The following RAB38 variants were observed in gnomAD, a reference collection of about 807,000 sequenced individuals.
The protein encoded by RAB38 is RAB38, member RAS oncogene family, also known as ras-related protein Rab-38.
RAB38 carries 15 observed loss-of-function variants against 18.4 expected under a neutral mutation model. The observed-to-expected ratio is 0.82, with a 90% CI of 0.55 to 1.26. The LOEUF (loss-of-function observed/expected upper bound fraction) is 1.26, where lower values mean the gene tolerates loss of function less well. RAB38 is among the 50% of genes most tolerant of loss of function. The pLI is 0.00. For synonymous variants in RAB38, 101 were observed against 104.4 expected (o/e 0.97, Z 0.20); for missense variants, 294 against 267.4 (o/e 1.10, Z -0.69).
At chr11:87,891,649 T>G in the RAB38 span, among the ~76,000 whole-genome samples, 3 of 151,838 alleles carry the variant, frequency 2.0e-5, no homozygotes, top group Non-Finnish European at 4.4e-5. Context: ...CTCATCCCAG[T>G]GAATAGGCTG....
At chr11:87,973,301 A>G in the RAB38 span, among the ~76,000 whole-genome samples, 2 of 152,068 alleles carry the variant, frequency 1.3e-5, no homozygotes, top group Non-Finnish European at 2.9e-5. Flanking sequence ...AGAGAAAAAA[A>G]TAAGAATTTT....
the RAB38 span, among the ~76,000 whole-genome samples, chr11:87,828,164 T>C: frequency 6.6e-6 from 1 of 152,202 alleles, no homozygotes; most frequent in African/African-American, 2.4e-5. Context: ...TTATTAAAAA[T>C]ATTTAAAAAC....
At chr11:87,954,258 G>A in the RAB38 span, among the ~76,000 whole-genome samples, 1 of 152,164 alleles carries the variant, frequency 6.6e-6, no homozygotes, top group Admixed American at 6.5e-5. Flanking sequence ...GCTGAACTCA[G>A]GGGTGAGCAT....
chr11:88,043,320 G>A, the RAB38 span, among the ~76,000 whole-genome samples: 21 of 152,244 alleles, frequency 1.4e-4, no homozygotes, highest in Admixed American at 1.2e-3. Context: ...CTAAGTCAGC[G>A]TTCCTGGAGA....
the RAB38 span, among the ~76,000 whole-genome samples, chr11:87,867,043 G>A: frequency 6.6e-6 from 1 of 151,786 alleles, no homozygotes; most frequent in South Asian, 2.1e-4. Flanking sequence ...GATGATGGTT[G>A]AATACAGACA....
the RAB38 span, among the ~76,000 whole-genome samples, chr11:88,085,353 G>C: frequency 1.3e-5 from 2 of 151,876 alleles, no homozygotes; most frequent in African/African-American, 4.8e-5. Context: ...AAAAGCAGAG[G>C]TGTCACTGAA....
At chr11:87,908,174 T>C in the RAB38 span, among the ~76,000 whole-genome samples, 1 of 151,950 alleles carries the variant, frequency 6.6e-6, no homozygotes, top group Non-Finnish European at 1.5e-5. Context: ...GAATGAAATC[T>C]GTGTGCTCAA....
At chr11:88,073,924 TG>T in the RAB38 span, among the ~76,000 whole-genome samples, 1 of 151,528 alleles carries the variant, frequency 6.6e-6, no homozygotes, top group Non-Finnish European at 1.5e-5. Context: ...GACAGCAGAA[TG>T]GACACAGCAG....
At chr11:88,009,665 A>G in the RAB38 span, among the ~76,000 whole-genome samples, 1 of 152,200 alleles carries the variant, frequency 6.6e-6, no homozygotes, top group Non-Finnish European at 1.5e-5. Flanking sequence ...AGATCAAAAT[A>G]CCAAAGGAGT....
chr11:88,119,577 G>T (rs551022524), intron 2 of RAB38, among the ~76,000 whole-genome samples: 3 of 151,510 alleles, frequency 2.0e-5, no homozygotes, highest in Non-Finnish European at 4.4e-5. Flanking sequence ...AACCATCAGA[G>T]GTCCTGGTTA....
chr11:87,911,157 A>T, the RAB38 span, among the ~76,000 whole-genome samples: 2 of 152,052 alleles, frequency 1.3e-5, no homozygotes, highest in African/African-American at 4.8e-5. Flanking sequence ...AGTACCATAG[A>T]GACTTGACTA....
At chr11:88,107,599 G>A in the RAB38 span, among the ~76,000 whole-genome samples, 2 of 151,504 alleles carry the variant, frequency 1.3e-5, no homozygotes, top group South Asian at 4.2e-4. Context: ...GTTTGAAGGG[G>A]TTTTGTGTCT....
chr11:87,938,161 T>C, the RAB38 span, among the ~76,000 whole-genome samples: 1 of 152,134 alleles, frequency 6.6e-6, no homozygotes. Context: ...CTTTAACACC[T>C]GAGATGGGGA....
chr11:88,125,444 T>G (rs1198296554), intron 2 of RAB38, among the ~76,000 whole-genome samples: 3 of 152,222 alleles, frequency 2.0e-5, no homozygotes, highest in Non-Finnish European at 4.4e-5. Flanking sequence ...CTGATTGACA[T>G]TCTCCTTTGA....
At chr11:87,865,462 C>A in the RAB38 span, among the ~76,000 whole-genome samples, 16 of 151,624 alleles carry the variant, frequency 1.1e-4, no homozygotes, top group Admixed American at 7.2e-4. Context: ...CTGGCTCATG[C>A]GTACCTAGAA....
At chr11:88,173,569 T>A (rs917805311) in intron 1 of RAB38, 14 of 985,336 alleles carry the variant, frequency 1.4e-5, no homozygotes, top group Admixed American at 6.1e-5. Context: ...GTCATGCTGT[T>A]ACCTGGATTG....
At chr11:87,968,534 G>C in the RAB38 span, among the ~76,000 whole-genome samples, 1 of 152,052 alleles carries the variant, frequency 6.6e-6, no homozygotes, top group Non-Finnish European at 1.5e-5. Flanking sequence ...TAGTGGTGGT[G>C]AGTCAGCTTC....
At chr11:87,976,439 T>A in the RAB38 span, among the ~76,000 whole-genome samples, 1 of 112,522 alleles carries the variant, frequency 8.9e-6, no homozygotes, top group African/African-American at 3.3e-5. Context: ...TGCATTTATA[T>A]TTTTTATATT....
the RAB38 span, among the ~76,000 whole-genome samples, chr11:88,052,926 A>C: frequency 1.2e-4 from 3 of 24,610 alleles, no homozygotes; most frequent in South Asian, 4.4e-3. Context: ...ATATATATAT[A>C]TATATATATA....
Sources: allele counts gnomAD v4.1 joint callset (sites outside exome capture counted in the v4.1 genomes callset), GRCh38; gene constraint gnomAD v4.1.1; transcripts MANE v1.5; gene names NCBI Gene and HGNC (gene_info 2026-07-23, HGNC 2026-07-21).